PDZD2: variants seen among roughly 807,000 people sequenced by gnomAD.
PDZD2 encodes the protein PDZ domain containing 2, also known as PDZ domain-containing protein 2.
PDZD2 carries 90 observed loss-of-function variants against 220.7 expected under a neutral mutation model. The observed-to-expected ratio is 0.41, with a 90% CI of 0.34 to 0.49. The LOEUF is 0.49. Among genes scored for constraint, PDZD2 ranks in the 20% least tolerant of loss-of-function variants. PDZD2 has a pLI of 0.28. For missense variants in PDZD2, 3,174 were observed against 3,608.5 expected, an observed-to-expected ratio of 0.88 and a Z score of 3.08; for synonymous variants, 1,375 against 1,450.5, an observed-to-expected ratio of 0.95 and a Z score of 1.18.
intron 2 of PDZD2, among the ~76,000 whole-genome samples, chr5:31,855,481 G>A (rs1474458971): frequency 6.6e-6 from 1 of 152,242 alleles, no homozygotes; most frequent in Non-Finnish European, 1.5e-5. Flanking sequence ...TGCCCAGAGG[G>A]GACAGGTAAT....
chr5:32,069,202 G>T (rs537741343), intron 14 of PDZD2, among the ~76,000 whole-genome samples: 33 of 150,648 alleles, frequency 2.2e-4, no homozygotes, highest in Non-Finnish European at 4.6e-4. Context: ...GGAGGCGGAG[G>T]TTGCAGCGAG....
At chr5:31,689,917 G>A (rs573552242) in intron 1 of PDZD2, among the ~76,000 whole-genome samples, 5 of 152,124 alleles carry the variant, frequency 3.3e-5, no homozygotes, top group Non-Finnish European at 7.3e-5. Context: ...TCCTTCCTTA[G>A]GAAGGAGAAA....
At chr5:31,847,982 A>C in intron 2 of PDZD2, 1 of 416,128 alleles carries the variant, frequency 2.4e-6, no homozygotes, top group East Asian at 5.4e-5. Flanking sequence ...GGGGATGTAT[A>C]AGAAGGCTCA....
intron 1 of PDZD2, among the ~76,000 whole-genome samples, chr5:31,660,102 G>T (rs960089976): frequency 3.9e-5 from 6 of 152,184 alleles, no homozygotes; most frequent in African/African-American, 1.2e-4. Flanking sequence ...GTAAGCCACT[G>T]CTTTCCACTT....
Position 32,074,646 on chromosome 5 carries a change from AACTG to A in PDZD2, c.3537+7_3537+10del, listed in dbSNP as rs779013204. 91 of 1,583,856 alleles carry A rather than the reference AACTG, an allele frequency of 5.7e-5. No homozygotes were observed. In the East Asian group the frequency reaches 2.0e-3, roughly 35 times the overall value. ...AGCCAGGTGGAGCTGTGGAGAAGGT[AACTG>A]ACTTTCTCTTAGTTACTTGGAATGG... On this transcript the variant is annotated splice_donor_5th_base_variant and intron_variant, in intron 18 of 24. Transcript: ENST00000438447.
At chr5:31,833,434 C>T (rs1258355123) in intron 2 of PDZD2, among the ~76,000 whole-genome samples, 2 of 151,860 alleles carry the variant, frequency 1.3e-5, no homozygotes, top group Non-Finnish European at 2.9e-5. Flanking sequence ...TGCCACTGCA[C>T]TGTAGCCTGG....
At chr5:31,910,690 CTT>C (rs757586173) in intron 2 of PDZD2, among the ~76,000 whole-genome samples, 1 of 143,898 alleles carries the variant, frequency 6.9e-6, no homozygotes. Flanking sequence ...CACACCCAGC[CTT>C]TTTTTTTTTG....
chr5:31,790,853 C>T (rs1027553505), intron 1 of PDZD2, among the ~76,000 whole-genome samples: 1 of 151,808 alleles, frequency 6.6e-6, no homozygotes, highest in Non-Finnish European at 1.5e-5. Context: ...CACCCACCAC[C>T]GCACCCAGCT....
intron 1 of PDZD2, among the ~76,000 whole-genome samples, chr5:31,789,821 GGC>G: frequency 6.6e-6 from 1 of 152,208 alleles, no homozygotes; most frequent in South Asian, 2.1e-4. Flanking sequence ...GGGAGGCTGA[GGC>G]AAGAAAATCA....
chr5:31,725,531 A>T (rs1324426942), intron 1 of PDZD2: 13 of 1,365,470 alleles, frequency 9.5e-6, no homozygotes, highest in Non-Finnish European at 1.3e-5. Context: ...TTATACTACC[A>T]GGGGCCACTG....
chr5:31,889,799 C>T lies in PDZD2; in HGVS notation c.476+90075C>T, dbSNP rs143056097. On this transcript the variant is annotated intron_variant, in intron 2 of 24. Coordinates refer to ENST00000438447, the MANE Select transcript of PDZD2 (RefSeq NM_178140.4). ...TTCTGGGAGGCTGAGGTGGGCAGAT[C>T]TTTTGAGGTCAGGAGTTCGAGACCA... Among the ~76,000 whole-genome samples, 776 of 152,170 alleles carry T rather than the reference C, an allele frequency of 5.1e-3. 4 individuals carry two copies. Among genetic ancestry groups the T allele is most frequent in the Middle Eastern group, 0.024 (7 of 294 alleles).
chr5:32,105,324 T>C (rs1744661785), intron 24 of PDZD2, among the ~76,000 whole-genome samples: 1 of 152,114 alleles, frequency 6.6e-6, no homozygotes, highest in Non-Finnish European at 1.5e-5. Context: ...AAATTAGAAA[T>C]ATTATAAATC....
At chr5:31,663,708 G>A (rs915206567) in intron 1 of PDZD2, among the ~76,000 whole-genome samples, 9 of 152,084 alleles carry the variant, frequency 5.9e-5, no homozygotes, top group Non-Finnish European at 1.2e-4. Context: ...TTTCTTTTGC[G>A]GTATTTGGCT....
intron 4 of PDZD2, among the ~76,000 whole-genome samples, chr5:31,997,060 G>T (rs1199332768): frequency 6.6e-6 from 1 of 152,206 alleles, no homozygotes; most frequent in Non-Finnish European, 1.5e-5. Flanking sequence ...TGCACATAGG[G>T]TGTCTACTAT....
rs1474714858 is a variant in PDZD2 at position 31,639,246 on chromosome 5, C to A, written c.-552C>A. ...GCGGCTGCAGGCAGCCGAGGAGCCGCAGGCCGAACCCAAGGCACCGGGATT... is the reference window on the plus strand; with the variant it reads ...GCGGCTGCAGGCAGCCGAGGAGCCGAAGGCCGAACCCAAGGCACCGGGATT... On this transcript the variant is annotated 5_prime_UTR_variant, in exon 1 of 25. Coordinates refer to ENST00000438447, the MANE Select transcript of PDZD2 (RefSeq NM_178140.4). This position sits in a 1 kb window ranked among gnomAD's most constrained non-coding sequence, Gnocchi z 4.1. Among the ~76,000 whole-genome samples, 1 of 151,202 alleles carries A rather than the reference C, an allele frequency of 6.6e-6. No individual in the cohort carries two copies. The highest frequency in any genetic ancestry group is 1.5e-5 in the Non-Finnish European group (1 of 67,706).
intron 2 of PDZD2, among the ~76,000 whole-genome samples, chr5:31,852,065 C>A (rs1382718268): frequency 6.6e-6 from 1 of 152,046 alleles, no homozygotes; most frequent in East Asian, 1.9e-4. Context: ...CCATGTTGGG[C>A]AGGCTGGTCT....
intron 1 of PDZD2, among the ~76,000 whole-genome samples, chr5:31,724,726 G>T (rs1297164026): frequency 6.6e-6 from 1 of 151,856 alleles, no homozygotes; most frequent in African/African-American, 2.4e-5. Flanking sequence ...ATGATCATGG[G>T]CCTAGACATC....
chr5:32,002,258 G>C (rs748435057), intron 5 of PDZD2, among the ~76,000 whole-genome samples: 2 of 152,070 alleles, frequency 1.3e-5, no homozygotes, highest in African/African-American at 2.4e-5. Flanking sequence ...AAGAGGGGGC[G>C]TCTGAGTCCC....
intron 24 of PDZD2, among the ~76,000 whole-genome samples, chr5:32,101,506 G>T (rs1466677000): frequency 2.0e-5 from 3 of 152,194 alleles, no homozygotes; most frequent in Non-Finnish European, 4.4e-5. Flanking sequence ...GGCAGAACCA[G>T]GCTCCAGCCC....
Sources: gnomAD v4.1 joint callset for allele counts (sites outside exome capture counted in the v4.1 genomes callset) on GRCh38, gnomAD v4.1.1 for gene constraint, Gnocchi (gnomAD v3.1) non-coding constraint, MANE v1.5 for transcripts, NCBI Gene and HGNC (gene_info 2026-07-23, HGNC 2026-07-21) for gene names.